Variants in RFX6 observed in about 807,000 individuals in gnomAD.
RFX6 encodes the protein regulatory factor X6.
In RFX6, 50 loss-of-function variants were observed where a neutral mutation model predicts 110.8. The observed-to-expected ratio is 0.45, with a 90% CI of 0.36 to 0.57. The LOEUF (loss-of-function observed/expected upper bound fraction) is 0.57, where lower values mean the gene tolerates loss of function less well. Among genes scored for constraint, RFX6 ranks in the 20% least tolerant of loss-of-function variants. The pLI, the probability that RFX6 is intolerant of heterozygous loss-of-function variation, is 0.00. For missense variants in RFX6, 990 were observed against 1,127.0 expected (o/e 0.88, Z 1.74); for synonymous variants, 383 against 411.2 (o/e 0.93, Z 0.83).
At chr6:116,924,571 G>A (rs528131719) in intron 14 of RFX6, 98 bp from the exon 15 acceptor site, 1 of 1,118,660 alleles carries the variant, frequency 8.9e-7, no homozygotes, top group Non-Finnish European at 1.4e-6. Context: ...TTGCGAGATG[G>A]TCACAAAGAT....
chr6:116,899,220 C>A (rs1361759837), intron 6 of RFX6, among the ~76,000 whole-genome samples: 1 of 151,914 alleles, frequency 6.6e-6, no homozygotes, highest in African/African-American at 2.4e-5. Flanking sequence ...AAATGACATA[C>A]CATGTGCCTG....
At chr6:116,917,772 G>A (rs1775499734) in intron 9 of RFX6, among the ~76,000 whole-genome samples, 1 of 151,810 alleles carries the variant, frequency 6.6e-6, no homozygotes, top group South Asian at 2.1e-4. Context: ...ATCATAAAAC[G>A]GTATATGATT....
At chr6:116,929,542 A>G (rs1008093435) in intron 18 of RFX6, among the ~76,000 whole-genome samples, 1 of 152,260 alleles carries the variant, frequency 6.6e-6, no homozygotes, top group Non-Finnish European at 1.5e-5. Flanking sequence ...AATAAGAAAA[A>G]CGTGTGCTTG....
intron 2 of RFX6, among the ~76,000 whole-genome samples, chr6:116,879,444 T>C (rs1173337626): frequency 6.6e-6 from 1 of 151,992 alleles, no homozygotes; most frequent in Non-Finnish European, 1.5e-5. Context: ...TTTATGTACA[T>C]ATATTGATTT....
chr6:116,916,380 C>A (rs1775463789), intron 9 of RFX6, 66 bp downstream of exon 9: 1 of 957,514 alleles, frequency 1.0e-6, no homozygotes, highest in Non-Finnish European at 1.7e-6. Flanking sequence ...TATCTAAATT[C>A]TTGCAATATA....
rs555799986 is a variant in RFX6, at chr6:116,893,368, A to T, written c.567-619A>T. Among the ~76,000 whole-genome samples the T allele has an allele frequency of 5.9e-5, 9 of 152,322 alleles. No homozygotes were observed. The South Asian group carries it at 1.9e-3, about 32-fold the overall frequency. On this transcript the variant is annotated intron_variant, in intron 4 of 18. Transcript: ENST00000332958. Reference sequence around the variant, plus strand: ...TGCTATACTTGTATTGTGTCTCATGATCCACTGGCATATTTAAAACAAATT... The same window carrying T: ...TGCTATACTTGTATTGTGTCTCATGTTCCACTGGCATATTTAAAACAAATT...
At chr6:116,920,276 A>G in intron 11 of RFX6, 34 bp from the exon 12 acceptor site, 1 of 1,555,432 alleles carries the variant, frequency 6.4e-7, no homozygotes, top group Non-Finnish European at 8.9e-7. Flanking sequence ...TAGAAATGAT[A>G]TAGTGTAGTG....
chr6:116,911,157 T>C (rs976455109), intron 7 of RFX6, 115 bp downstream of exon 7: 1 of 753,496 alleles, frequency 1.3e-6, no homozygotes, highest in Non-Finnish European at 2.3e-6. Context: ...TAATCAAACA[T>C]AATTGACTGA....
chr6:116,930,238 A>G (rs1217703646), intron 18 of RFX6, among the ~76,000 whole-genome samples: 1 of 152,114 alleles, frequency 6.6e-6, no homozygotes, highest in Non-Finnish European at 1.5e-5. Context: ...TAGTGCAAGG[A>G]GAATTGAGTT....
intron 6 of RFX6, among the ~76,000 whole-genome samples, chr6:116,907,527 T>G (rs375698962): frequency 2.6e-5 from 4 of 152,132 alleles, no homozygotes; most frequent in African/African-American, 9.6e-5. Context: ...TACAAATTTG[T>G]AAATTTTCCA....
intron 6 of RFX6, among the ~76,000 whole-genome samples, chr6:116,897,984 G>C (rs1266463448): frequency 6.6e-6 from 1 of 151,994 alleles, no homozygotes; most frequent in East Asian, 1.9e-4. Flanking sequence ...GAAGACAAGA[G>C]GTTACCAAAA....
In RFX6 at chr6:116,922,165, A is replaced by G; in HGVS notation, c.1437+14A>G. On this transcript the variant is annotated intron_variant, in intron 13 of 18. Transcript: ENST00000332958. ...AGAGTTATTAAGGTACTTTTTAATGACAGATTCAGAAAATAAGTTCCTTGT... is the reference window on the plus strand; with the variant it reads ...AGAGTTATTAAGGTACTTTTTAATGGCAGATTCAGAAAATAAGTTCCTTGT... 2 of 1,139,472 alleles carry G rather than the reference A, an allele frequency of 1.8e-6. No individual in the cohort carries two copies. The highest frequency in any genetic ancestry group is 2.7e-6 in the Non-Finnish European group (2 of 747,718). The allele number at this position is 1,139,472 out of a possible 1,614,324, so 70.6% of individuals were successfully genotyped here. A position where few individuals can be genotyped will look rare whatever the true frequency, so the allele number is the denominator to read the frequency against.
intron 6 of RFX6, among the ~76,000 whole-genome samples, chr6:116,899,599 G>T (rs1038326321): frequency 1.1e-4 from 16 of 152,136 alleles, no homozygotes; most frequent in Admixed American, 2.0e-4. Flanking sequence ...TTTGGAGAAA[G>T]GTGGAGTACT....
intron 13 of RFX6, 136 bp from the exon 14 acceptor site, chr6:116,922,971 A>C (rs1286076602): frequency 3.7e-5 from 27 of 727,018 alleles, no homozygotes; most frequent in Non-Finnish European, 6.6e-5. Context: ...CTGGACAGAT[A>C]GTTTTATTTG....
In RFX6 at chr6:116,882,391, C is replaced by G; in HGVS notation, c.529C>G (p.Leu177Val). ...GACAATTCGCCAGAAGTTTCCCCTC[C>G]TAACAACAAGGCGGCTTGGAACAAG... Reference protein sequence around the residue: ...GKTIRQKFPLLTTRRLGTRGH... With the variant: ...GKTIRQKFPLVTTRRLGTRGH... Residue 177 changes from leucine (L) to valine (V), a missense_variant, in exon 4 of 19, where the codon CTA becomes GTA. Leu to Val is a conservative substitution (Grantham distance 32). Transcript: ENST00000332958. The G allele has an allele frequency of 1.2e-6, 2 of 1,612,916 alleles. No individual in the cohort carries two copies. The highest frequency in any genetic ancestry group is 1.7e-6 in the Non-Finnish European group (2 of 1,179,064).
chr6:116,909,060 G>A (rs537746827), intron 6 of RFX6, among the ~76,000 whole-genome samples: 8 of 152,090 alleles, frequency 5.3e-5, no homozygotes, highest in African/African-American at 1.9e-4. Flanking sequence ...CTGAATGCTT[G>A]ATAAAAGGTC....
chr6:116,931,412 C>T lies in RFX6; in HGVS notation c.2693C>T (p.Thr898Ile). The T allele has an allele frequency of 6.2e-7, 1 of 1,612,016 alleles. No individual in the cohort carries two copies. Among genetic ancestry groups the T allele is most frequent in the Non-Finnish European group, 8.5e-7 (1 of 1,178,166 alleles). ...TCCAACCAGTATCCAGCTCAAGAAA[C>T]CCTGGACTCCCATGGAACAAGCAGT... The part of the protein sequence containing the change: ...GTSNQYPAQE[T>I]LDSHGTSSRE... The change falls in exon 19 of 19, where the codon ACC becomes ATC. Residue 898 changes from threonine (T) to isoleucine (I), a missense_variant. Thr to Ile is a moderately conservative substitution (Grantham distance 89). Transcript: ENST00000332958.
rs630695 is a variant in RFX6 at position 116,931,596 on chromosome 6, T to G, written c.*90T>G. On this transcript the variant is annotated 3_prime_UTR_variant, in exon 19 of 19. Transcript: ENST00000332958. ...TCACTCAGACTTCCATAAGAGTAAATAAAAATGAATATGCAGTGGCTGACA... is the reference window on the plus strand; with the variant it reads ...TCACTCAGACTTCCATAAGAGTAAAGAAAAATGAATATGCAGTGGCTGACA... The G allele has an allele frequency of 0.22, 211,920 of 959,928 alleles. 26,484 individuals are homozygous for G. The highest frequency in any genetic ancestry group is 0.4 in the South Asian group (27,319 of 67,730). The allele number at this position is 959,928 out of a possible 1,614,324, so 59.5% of individuals were successfully genotyped here.
intron 17 of RFX6, 49 bp from the exon 18 acceptor site, chr6:116,928,710 A>G: frequency 7.4e-7 from 1 of 1,345,438 alleles, no homozygotes; most frequent in Non-Finnish European, 1.1e-6. Context: ...CCTTCCTGAA[A>G]GTTCTTTGTA....
Sources: allele counts gnomAD v4.1 joint callset (sites outside exome capture counted in the v4.1 genomes callset), GRCh38; gene constraint gnomAD v4.1.1; transcripts MANE v1.5; gene names NCBI Gene and HGNC (gene_info 2026-07-23, HGNC 2026-07-21).